The following GRIA4 variants were observed in gnomAD, a reference collection of about 807,000 sequenced individuals.
The protein encoded by GRIA4 is glutamate receptor 4.
In GRIA4, 34 loss-of-function variants were observed where a neutral mutation model predicts 104.0. The observed-to-expected ratio is 0.33, with a 90% CI of 0.25 to 0.44. GRIA4 has a LOEUF of 0.44. Ranked by LOEUF, GRIA4 falls within the 20% of genes least tolerant of loss-of-function variation. The pLI is 1.00. For missense variants in GRIA4, 750 were observed against 1,096.5 expected, an observed-to-expected ratio of 0.68 and a Z score of 4.46; for synonymous variants, 386 against 381.9, an observed-to-expected ratio of 1.01 and a Z score of -0.13.
chr11:105,964,347 G>C (rs1389667347), intron 14 of GRIA4, among the ~76,000 whole-genome samples: 1 of 152,168 alleles, frequency 6.6e-6, no homozygotes, highest in Admixed American at 6.5e-5. Flanking sequence ...TTACTTATGA[G>C]AACTGTTTAC....
chr11:105,790,290 G>A (rs1040613868), intron 4 of GRIA4, among the ~76,000 whole-genome samples: 2 of 152,120 alleles, frequency 1.3e-5, no homozygotes, highest in African/African-American at 2.4e-5. Flanking sequence ...CTTTATAGAA[G>A]CCAATGCACA....
At chr11:105,848,173 A>G (rs1944663966) in intron 4 of GRIA4, among the ~76,000 whole-genome samples, 1 of 152,248 alleles carries the variant, frequency 6.6e-6, no homozygotes, top group South Asian at 2.1e-4. Context: ...TGTTAAAAAA[A>G]TAGCCTTTGT....
chr11:105,788,186 G>C (rs1413222878), intron 4 of GRIA4, among the ~76,000 whole-genome samples: 2 of 152,110 alleles, frequency 1.3e-5, no homozygotes, highest in Non-Finnish European at 2.9e-5. Flanking sequence ...AAAATGTTAT[G>C]TGATTGTTGT....
intron 3 of GRIA4, among the ~76,000 whole-genome samples, chr11:105,656,920 T>C (rs1014398465): frequency 6.6e-6 from 1 of 151,994 alleles, no homozygotes; most frequent in Non-Finnish European, 1.5e-5. Context: ...AATTCAATAA[T>C]GAACCAGAGA....
chr11:105,919,037 G>A (rs867559163), intron 11 of GRIA4, 119 bp downstream of exon 11: 1 of 643,724 alleles, frequency 1.6e-6, no homozygotes, highest in African/African-American at 1.8e-5. Context: ...ATTCCAAGAG[G>A]CACATACAGT....
intron 4 of GRIA4, among the ~76,000 whole-genome samples, chr11:105,794,216 T>G (rs931043291): frequency 6.6e-6 from 1 of 151,614 alleles, no homozygotes. Flanking sequence ...TTATTCGGTG[T>G]TTGTGGGCAC....
chr11:105,636,252 T>C (rs547802224), intron 3 of GRIA4, among the ~76,000 whole-genome samples: 1 of 152,314 alleles, frequency 6.6e-6, no homozygotes. Context: ...GTATTGTTCA[T>C]GAAATGTACA....
chr11:105,967,064 T>G (rs1858412702), intron 14 of GRIA4, among the ~76,000 whole-genome samples: 1 of 152,274 alleles, frequency 6.6e-6, no homozygotes, highest in African/African-American at 2.4e-5. Context: ...AATTTTATAC[T>G]AATAGCCTAG....
intron 3 of GRIA4, among the ~76,000 whole-genome samples, chr11:105,675,025 G>T (rs747885381): frequency 2.6e-5 from 4 of 151,848 alleles, no homozygotes; most frequent in Non-Finnish European, 4.4e-5. Context: ...AGTACTAAGA[G>T]AGCTCCTTGG....
chr11:105,723,224 G>T (rs1050347515), intron 3 of GRIA4, among the ~76,000 whole-genome samples: 1 of 151,912 alleles, frequency 6.6e-6, no homozygotes, highest in Non-Finnish European at 1.5e-5. Context: ...ATCAAATTAC[G>T]CAATTTTAAA....
intron 3 of GRIA4, among the ~76,000 whole-genome samples, chr11:105,646,836 A>G (rs1013857143): frequency 1.1e-4 from 16 of 152,158 alleles, no homozygotes; most frequent in Non-Finnish European, 2.1e-4. Context: ...AACTATAAAA[A>G]CCCTGGAAGA....
chr11:105,794,288 G>A (rs1272978065), intron 4 of GRIA4, among the ~76,000 whole-genome samples: 1 of 150,632 alleles, frequency 6.6e-6, no homozygotes, highest in African/African-American at 2.4e-5. Flanking sequence ...AACAGTCTAT[G>A]AAATGCTAGA....
Position 105,853,095 on chromosome 11 carries a change from C to T in GRIA4, c.488-8929C>T. ...GAGATCTGTTGGACTCAAACTTCAACATACGGTAGAATAAATTAATTGCTC... is the reference window on the plus strand; with the variant it reads ...GAGATCTGTTGGACTCAAACTTCAATATACGGTAGAATAAATTAATTGCTC... On this transcript the variant is annotated intron_variant, in intron 4 of 16. Transcript: ENST00000282499. 1.6e-5 allele frequency among the ~76,000 whole-genome samples: 2 copies of T among 125,108 alleles called. 1 individual carries two copies. Among genetic ancestry groups the T allele is most frequent in the Admixed American group, 2.0e-4 (2 of 10,104 alleles). 82.1% of individuals were successfully genotyped at this position (125,108 alleles called of 152,430 possible).
chr11:105,950,708 C>T (rs1026145401), intron 14 of GRIA4, among the ~76,000 whole-genome samples: 1 of 152,098 alleles, frequency 6.6e-6, no homozygotes, highest in Non-Finnish European at 1.5e-5. Context: ...GACCACCTGC[C>T]TTTCAAGTTT....
chr11:105,735,747 T>A (rs1938896558), intron 3 of GRIA4, among the ~76,000 whole-genome samples: 1 of 152,136 alleles, frequency 6.6e-6, no homozygotes, highest in Admixed American at 6.6e-5. Context: ...ATCTAGATAG[T>A]CTCTAAAGTC....
At chr11:105,940,238 C>A (rs1948150587) in intron 14 of GRIA4, among the ~76,000 whole-genome samples, 1 of 151,984 alleles carries the variant, frequency 6.6e-6, no homozygotes, top group Non-Finnish European at 1.5e-5. Flanking sequence ...GGTGGTGCAC[C>A]TATAGTCCCA....
rs150979214 is a variant in GRIA4 at position 105,874,225 on chromosome 11, G to C, written c.672+12017G>C. The stretch of plus-strand genomic sequence containing the variant: ...AAGGTTTGTCAAAGATCAGATGGTT[G>C]TAGATGTATGGTGTTATTTCTGAGG... On this transcript the variant is annotated intron_variant, in intron 5 of 16. Transcript: ENST00000282499. Among the ~76,000 whole-genome samples, 518 of 152,258 alleles carry C rather than the reference G, an allele frequency of 3.4e-3. 1 individual carries two copies. The highest frequency in any genetic ancestry group is 6.3e-3 in the Non-Finnish European group (429 of 68,010).
chr11:105,658,728 C>T (rs762268999), intron 3 of GRIA4, among the ~76,000 whole-genome samples: 8 of 151,832 alleles, frequency 5.3e-5, no homozygotes, highest in Non-Finnish European at 1.0e-4. Context: ...CTGAAAGGAG[C>T]AAAGACCTCC....
chr11:105,652,790 G>A (rs976184994), intron 3 of GRIA4, among the ~76,000 whole-genome samples: 1 of 152,260 alleles, frequency 6.6e-6, no homozygotes, highest in East Asian at 1.9e-4. Flanking sequence ...GCCAAGGATA[G>A]TACCAAACTC....
Sources: gnomAD v4.1 joint callset for allele counts (sites outside exome capture counted in the v4.1 genomes callset) on GRCh38, gnomAD v4.1.1 for gene constraint, MANE v1.5 for transcripts, NCBI Gene and HGNC (gene_info 2026-07-23, HGNC 2026-07-21) for gene names.